The following MANSC1 variants were observed in gnomAD, a reference collection of about 807,000 sequenced individuals.
The protein encoded by MANSC1 is MANSC domain containing 1, also known as MANSC domain-containing protein 1.
A neutral mutation model predicts 14.1 loss-of-function variants in MANSC1; 13 were observed. The observed-to-expected ratio is 0.92, with a 90% CI of 0.60 to 1.46. The LOEUF (loss-of-function observed/expected upper bound fraction) is 1.46, where lower values mean the gene tolerates loss of function less well. Ranked by LOEUF, MANSC1 falls within the 40% of genes most tolerant of loss-of-function variation. The pLI is 0.00. For synonymous variants in MANSC1, 227 were observed against 200.7 expected, an observed-to-expected ratio of 1.13 and a Z score of -1.11; for missense variants, 486 against 511.4, an observed-to-expected ratio of 0.95 and a Z score of 0.48.
At chr12:12,349,267 T>C (rs1230466093) in intron 1 of MANSC1, among the ~76,000 whole-genome samples, 1 of 152,188 alleles carries the variant, frequency 6.6e-6, no homozygotes, top group Non-Finnish European at 1.5e-5. Context: ...TACGCTGCCA[T>C]ATTTTGCAAG....
chr12:12,326,090 C>T lies in MANSC1; in HGVS notation c.*3937G>A, dbSNP rs1287160761. The T allele has an allele frequency of 6.6e-6, 1 of 152,164 alleles. No individual in the cohort carries two copies. The highest frequency in any genetic ancestry group is 2.4e-5 in the African/African-American group (1 of 41,436). The allele number at this position is 152,164 out of a possible 1,614,324, so 9.4% of individuals were successfully genotyped here. On this transcript the variant is annotated 3_prime_UTR_variant, in exon 4 of 4. Transcript: ENST00000535902. The stretch of plus-strand genomic sequence containing the variant: ...TACAAATATTAGAGATTTATTATTA[C>T]AGAACAAGATGGAAGTTGGCAGTTC...
intron 1 of MANSC1, among the ~76,000 whole-genome samples, chr12:12,345,215 G>A (rs11054828): frequency 0.059 from 8,888 of 149,426 alleles, 410 homozygotes; most frequent in East Asian, 0.22. Context: ...AGCTACTCGG[G>A]AGGTTGAGGC....
intron 3 of MANSC1, among the ~76,000 whole-genome samples, chr12:12,332,950 T>C (rs1459013838): frequency 6.6e-6 from 1 of 152,120 alleles, no homozygotes; most frequent in Non-Finnish European, 1.5e-5. Context: ...TAAAATACTA[T>C]TTGGCCCTTG....
chr12:12,342,625 C>CCA (rs1358203738), intron 2 of MANSC1, among the ~76,000 whole-genome samples: 1 of 139,658 alleles, frequency 7.2e-6, no homozygotes, highest in Non-Finnish European at 1.5e-5. Context: ...TCCTATGCCA[C>CCA]CAGCTCCAAG....
chr12:12,348,999 C>T (rs1198998755), intron 1 of MANSC1, among the ~76,000 whole-genome samples: 1 of 152,090 alleles, frequency 6.6e-6, no homozygotes, highest in African/African-American at 2.4e-5. Flanking sequence ...CTAATAACTG[C>T]CATAATTTTG....
chr12:12,342,912 A>G (rs1862956079), intron 2 of MANSC1, among the ~76,000 whole-genome samples, 180 bp downstream of exon 2: 2 of 152,162 alleles, frequency 1.3e-5, no homozygotes, highest in African/African-American at 4.8e-5. Flanking sequence ...TACATTCATC[A>G]ATAACTTTGA....
rs1862717650 is a variant in MANSC1, at chr12:12,327,059, C to T, written c.*2968G>A. 1 of 152,402 alleles carries T rather than the reference C, an allele frequency of 6.6e-6. No individual in the cohort carries two copies. Among genetic ancestry groups the T allele is most frequent in the Non-Finnish European group, 1.5e-5 (1 of 68,216 alleles). The allele number at this position is 152,402 out of a possible 1,614,324, so 9.4% of individuals were successfully genotyped here. ...TCCTGACCTCAGGTGATCCACCCAC[C>T]TTGGACTCCCAAAGTGCTGGGATTA... On this transcript the variant is annotated 3_prime_UTR_variant, in exon 4 of 4. Transcript: ENST00000535902.
In MANSC1 at chr12:12,331,836, G is replaced by T. The variant is rs535159748; in HGVS notation, c.365-878C>A. 3.3e-5 allele frequency among the ~76,000 whole-genome samples: 5 copies of T among 152,294 alleles called. No individual in the cohort carries two copies. In the East Asian group the frequency reaches 9.6e-4, roughly 29 times the overall value. On this transcript the variant is annotated intron_variant, in intron 3 of 3. Coordinates refer to ENST00000535902, the MANE Select transcript of MANSC1 (RefSeq NM_018050.4). ...TATCGTTCCAGCACTGTGCGCAGAG[G>T]AGGGAGGCTATCTGGGAGATTTCAT... is the stretch of plus-strand genomic sequence containing the variant.
At chr12:12,349,335 T>C (rs1322120819) in intron 1 of MANSC1, among the ~76,000 whole-genome samples, 1 of 152,208 alleles carries the variant, frequency 6.6e-6, no homozygotes, top group South Asian at 2.1e-4. Context: ...GATTCTAATG[T>C]AGCCTCTTTT....
rs779734727 is a variant in MANSC1, at chr12:12,337,280, AAAC to A, written c.364+1137_364+1139del. Among the ~76,000 whole-genome samples, 6 of 148,484 alleles carry A rather than the reference AAAC, an allele frequency of 4.0e-5. No homozygotes were observed. The South Asian group carries it at 6.4e-4, about 16-fold the overall frequency. Reference sequence around the variant, plus strand: ...CGACAGAGTGAGACTCTCTCTCAAAAAACAACAACACTCATGCCTGTAATCCCA... The same window carrying A: ...CGACAGAGTGAGACTCTCTCTCAAAAAACAACACTCATGCCTGTAATCCCA... On this transcript the variant is annotated intron_variant, in intron 3 of 3. Transcript: ENST00000535902.
chr12:12,341,783 G>A (rs1274780790), intron 2 of MANSC1, among the ~76,000 whole-genome samples: 3 of 152,196 alleles, frequency 2.0e-5, no homozygotes, highest in African/African-American at 7.2e-5. Context: ...TTGAAGTCAG[G>A]AGTTCAAGAC....
intron 3 of MANSC1, among the ~76,000 whole-genome samples, chr12:12,338,175 A>G (rs1384422466): frequency 1.3e-5 from 2 of 152,214 alleles, no homozygotes; most frequent in Non-Finnish European, 2.9e-5. Flanking sequence ...AAAACGTTTC[A>G]TACAAGGTTT....
At position 12,326,183 on chromosome 12, in the gene MANSC1, C is replaced by T. The variant is rs74708090; in HGVS notation, c.*3844G>A. ...GACTCTTCCTGTACCCACTGCCACG[C>T]TCAGTGTGGCAGTGCCTTCTCCCCT... On this transcript the variant is annotated 3_prime_UTR_variant, in exon 4 of 4. Coordinates refer to ENST00000535902, the MANE Select transcript of MANSC1 (RefSeq NM_018050.4). 13 of 152,304 alleles carry T rather than the reference C, an allele frequency of 8.5e-5. No individual in the cohort carries two copies. The East Asian group carries it at 1.9e-3, about 23-fold the overall frequency. The allele number at this position is 152,304 out of a possible 1,614,324, so 9.4% of individuals were successfully genotyped here. A position where few individuals can be genotyped will look rare whatever the true frequency, so the allele number is the denominator to read the frequency against.
At chr12:12,335,901 G>A (rs1475887343) in intron 3 of MANSC1, among the ~76,000 whole-genome samples, 3 of 151,418 alleles carry the variant, frequency 2.0e-5, no homozygotes, top group South Asian at 2.1e-4. Context: ...AAAAACTCCC[G>A]GCCGGGCACG....
rs1265746669 is a variant in MANSC1, at chr12:12,326,063, G to A, written c.*3964C>T. On this transcript the variant is annotated 3_prime_UTR_variant, in exon 4 of 4. Coordinates refer to ENST00000535902, the MANE Select transcript of MANSC1 (RefSeq NM_018050.4). ...AATCATAGAATACTCGACTGAAAGT[G>A]GTACAAATATTAGAGATTTATTATT... The A allele has an allele frequency of 6.6e-6, 1 of 152,190 alleles. No homozygotes were observed. Among genetic ancestry groups the A allele is most frequent in the Non-Finnish European group, 1.5e-5 (1 of 68,040 alleles). 9.4% of individuals were successfully genotyped at this position (152,190 alleles called of 1,614,324 possible).
intron 3 of MANSC1, among the ~76,000 whole-genome samples, chr12:12,335,815 C>T (rs1473661443): frequency 6.6e-6 from 1 of 151,318 alleles, no homozygotes; most frequent in Non-Finnish European, 1.5e-5. Flanking sequence ...GAACTCCAGC[C>T]TGGGTGAAAA....
intron 1 of MANSC1, among the ~76,000 whole-genome samples, chr12:12,344,038 A>G (rs937757573): frequency 6.6e-6 from 1 of 152,040 alleles, no homozygotes; most frequent in African/African-American, 2.4e-5. Context: ...GCTGGAGCCC[A>G]GGAAGTTGAG....
intron 1 of MANSC1, among the ~76,000 whole-genome samples, chr12:12,347,975 A>G (rs2135999878): frequency 6.6e-6 from 1 of 152,248 alleles, no homozygotes; most frequent in East Asian, 1.9e-4. Flanking sequence ...AGGCAGAAGA[A>G]TCGCTTGAAC....
rs1489364777 is a variant in MANSC1, at chr12:12,329,278, T to A, written c.*749A>T. Reference sequence around the variant, plus strand: ...GAGAACACTACTGAGTAACAAAAGATTTATTCAAATATTTAATTGGAAGGA... The same window carrying A: ...GAGAACACTACTGAGTAACAAAAGAATTATTCAAATATTTAATTGGAAGGA... On this transcript the variant is annotated 3_prime_UTR_variant, in exon 4 of 4. Coordinates refer to ENST00000535902, the MANE Select transcript of MANSC1 (RefSeq NM_018050.4). The A allele has an allele frequency of 6.6e-6, 1 of 152,156 alleles. No homozygotes were observed. Among genetic ancestry groups the A allele is most frequent in the Non-Finnish European group, 1.5e-5 (1 of 68,022 alleles). 9.4% of individuals were successfully genotyped at this position (152,156 alleles called of 1,614,324 possible).
Sources: allele counts gnomAD v4.1 joint callset (sites outside exome capture counted in the v4.1 genomes callset), GRCh38; gene constraint gnomAD v4.1.1; transcripts MANE v1.5; gene names NCBI Gene and HGNC (gene_info 2026-07-23, HGNC 2026-07-21).